UBE4A: variants seen among roughly 807,000 people sequenced by gnomAD.
UBE4A encodes ubiquitin conjugation factor E4 A.
Under a neutral mutation model 117.9 loss-of-function variants are expected in UBE4A, and 48 were observed. That is an observed-to-expected ratio of 0.41 (90% CI 0.32 to 0.52). UBE4A has a LOEUF of 0.52. Among genes scored for constraint, UBE4A ranks in the 20% least tolerant of loss-of-function variants. The pLI is 0.33. For synonymous variants in UBE4A, 407 were observed against 450.0 expected (o/e 0.90, Z 1.21); for missense variants, 1,067 against 1,296.3 (o/e 0.82, Z 2.72).
At chr11:118,363,802 G>A (rs573242237) in intron 1 of UBE4A, among the ~76,000 whole-genome samples, 1 of 151,960 alleles carries the variant, frequency 6.6e-6, no homozygotes, top group South Asian at 2.1e-4. Context: ...TGTTTTAGTA[G>A]AGATGGGGTT....
chr11:118,392,637 C>T, intron 18 of UBE4A, 101 bp from the exon 19 acceptor site: 1 of 1,164,074 alleles, frequency 8.6e-7, no homozygotes. Flanking sequence ...TATTAATGAC[C>T]TGTTTTTTTA....
intron 13 of UBE4A, among the ~76,000 whole-genome samples, chr11:118,384,072 G>A (rs906059785): frequency 5.9e-5 from 9 of 152,184 alleles, no homozygotes; most frequent in Non-Finnish European, 8.8e-5. Flanking sequence ...GAATGAAAAC[G>A]TAGGTCTTTT....
At chr11:118,372,995 A>T in intron 6 of UBE4A, 91 bp from the exon 7 acceptor site, 1 of 1,280,404 alleles carries the variant, frequency 7.8e-7, no homozygotes. Flanking sequence ...TAAAAAAAAA[A>T]AAAAAAGAAT....
At chr11:118,364,153 G>A (rs1347159133) in intron 1 of UBE4A, among the ~76,000 whole-genome samples, 1 of 151,974 alleles carries the variant, frequency 6.6e-6, no homozygotes. Flanking sequence ...TTCAGAAAGG[G>A]GAGAAAGCCT....
At position 118,381,462 on chromosome 11, in the gene UBE4A, T is replaced by C; in HGVS notation, c.1948T>C (p.Ser650Pro). ...CTTTGCCGATGACATTTTGGAGACATCAGCAGATTCCCTGGAGCATGTCCT... is the reference window on the plus strand; with the variant it reads ...CTTTGCCGATGACATTTTGGAGACACCAGCAGATTCCCTGGAGCATGTCCT... ...RRFADDILET[S>P]ADSLEHVLHF... is the part of the protein sequence containing the mutation. Residue 650 changes from serine to proline, a missense_variant, in exon 12 of 20, where the codon TCA becomes CCA. Physicochemically the swap from Ser to Pro is moderately conservative, Grantham distance 74. This residue lies in a region of UBE4A where 1,001 missense variants were observed against 1,184.0 expected (regional missense o/e 0.85). Coordinates refer to ENST00000252108, the MANE Select transcript of UBE4A (RefSeq NM_001204077.2). 6.2e-7 allele frequency: 1 copy of C among 1,614,222 alleles called. No individual in the cohort carries two copies. The highest frequency in any genetic ancestry group is 8.5e-7 in the Non-Finnish European group (1 of 1,180,026).
chr11:118,384,570 A>G, intron 13 of UBE4A, 65 bp from the exon 14 acceptor site: 5 of 1,444,800 alleles, frequency 3.5e-6, no homozygotes, highest in Non-Finnish European at 2.9e-6. Flanking sequence ...ATGGCTACAC[A>G]TAAGCATAAA....
intron 19 of UBE4A, 118 bp downstream of exon 19, chr11:118,393,013 A>G: frequency 2.9e-6 from 3 of 1,025,596 alleles, no homozygotes; most frequent in Non-Finnish European, 4.1e-6. Context: ...TTATTGATTT[A>G]CTGATATGTT....
At chr11:118,375,297 C>A (rs1948642205) in intron 9 of UBE4A, 68 bp downstream of exon 9, 1 of 1,354,454 alleles carries the variant, frequency 7.4e-7, no homozygotes, top group Non-Finnish European at 9.8e-7. Flanking sequence ...CATTCACTCC[C>A]TTATCCTTTT....
At position 118,396,660 on chromosome 11, in the gene UBE4A, T is replaced by C. The variant is rs1278144002; in HGVS notation, c.*220T>C. 3 of 386,834 alleles carry C rather than the reference T, an allele frequency of 7.8e-6. No homozygotes were observed. Among genetic ancestry groups the C allele is most frequent in the Non-Finnish European group, 1.3e-5 (3 of 226,736 alleles). 24.0% of individuals were successfully genotyped at this position (386,834 alleles called of 1,614,324 possible). A position where few individuals can be genotyped will look rare whatever the true frequency, so the allele number is the denominator to read the frequency against. ...CTGGCTTGCAGGAAATTATACTTAT[T>C]ATAGCATCACCAAGTTTAGAAATCA... On this transcript the variant is annotated 3_prime_UTR_variant, in exon 20 of 20. Coordinates refer to ENST00000252108, the MANE Select transcript of UBE4A (RefSeq NM_001204077.2).
At chr11:118,388,773 T>C (rs564654436) in intron 16 of UBE4A, among the ~76,000 whole-genome samples, 14 of 152,158 alleles carry the variant, frequency 9.2e-5, no homozygotes, top group Middle Eastern at 3.4e-3. Flanking sequence ...AAATAACTTA[T>C]GGTGCAGTTA....
At chr11:118,365,699 A>G (rs1948557339) in intron 2 of UBE4A, among the ~76,000 whole-genome samples, 1 of 152,228 alleles carries the variant, frequency 6.6e-6, no homozygotes, top group African/African-American at 2.4e-5. Flanking sequence ...GGCCCTCCCA[A>G]GCAAAGTGCT....
chr11:118,380,187 T>G (rs961686916), intron 11 of UBE4A, among the ~76,000 whole-genome samples: 3 of 142,848 alleles, frequency 2.1e-5, no homozygotes, highest in Non-Finnish European at 1.5e-5. Flanking sequence ...CAGTGAGTCA[T>G]TGAGGGGTGG....
chr11:118,361,858 A>G (rs1448094827), intron 1 of UBE4A, among the ~76,000 whole-genome samples: 3 of 152,216 alleles, frequency 2.0e-5, no homozygotes, highest in Non-Finnish European at 4.4e-5. Context: ...ATAACTACTT[A>G]TTTAGGATTT....
At position 118,394,109 on chromosome 11, in the gene UBE4A, C is replaced by T. The variant is rs143697425; in HGVS notation, c.3074+1214C>T. ...ATGGGCCCCTTAACTTTTTTTAGTC[C>T]GGCATTAGAAAGAAATGAGTACTGA... On this transcript the variant is annotated intron_variant, in intron 19 of 19. Coordinates refer to ENST00000252108, the MANE Select transcript of UBE4A (RefSeq NM_001204077.2). 1.6e-3 allele frequency among the ~76,000 whole-genome samples: 236 copies of T among 152,022 alleles called. 2 individuals are homozygous for T. The East Asian group carries it at 0.022, about 14-fold the overall frequency.
chr11:118,367,426 G>T (rs1294166812), intron 2 of UBE4A, among the ~76,000 whole-genome samples: 1 of 151,788 alleles, frequency 6.6e-6, no homozygotes. Context: ...TATGAAATTT[G>T]TGAAGATTCA....
intron 16 of UBE4A, among the ~76,000 whole-genome samples, chr11:118,388,649 A>AG (rs1948782336): frequency 9.5e-6 from 1 of 105,212 alleles, no homozygotes; most frequent in African/African-American, 2.8e-5. Flanking sequence ...ACTCTATCTC[A>AG]AAAAAAAAAA....
intron 15 of UBE4A, among the ~76,000 whole-genome samples, chr11:118,385,870 T>C (rs1256850148): frequency 6.6e-6 from 1 of 152,232 alleles, no homozygotes; most frequent in Non-Finnish European, 1.5e-5. Flanking sequence ...AACAGGCCCT[T>C]TTAAGCAAGA....
chr11:118,383,951 T>C lies in UBE4A; in HGVS notation c.2198-684T>C, dbSNP rs925946135. Among the ~76,000 whole-genome samples the C allele has an allele frequency of 5.3e-5, 8 of 152,328 alleles. No individual in the cohort carries two copies. In the East Asian group the frequency reaches 1.5e-3, roughly 29 times the overall value. ...ATTGTATAATAAATCATTGCAGTTA[T>C]CTCGTTATGTGACCATACAACCAAA... On this transcript the variant is annotated intron_variant, in intron 13 of 19. Transcript: ENST00000252108.
chr11:118,365,349 G>A (rs1159788056), intron 2 of UBE4A, 148 bp downstream of exon 2: 4 of 1,227,444 alleles, frequency 3.3e-6, no homozygotes, highest in Non-Finnish European at 4.3e-6. Flanking sequence ...AGAAATTGGG[G>A]TTTTTTGTTT....
Sources: allele counts gnomAD v4.1 joint callset (sites outside exome capture counted in the v4.1 genomes callset), GRCh38; gene constraint gnomAD v4.1.1; regional missense constraint gnomAD v4.1.1; transcripts MANE v1.5; gene names NCBI Gene and HGNC (gene_info 2026-07-23, HGNC 2026-07-21).